The following RBFOX1 variants were observed in gnomAD, a reference collection of about 807,000 sequenced individuals.
RBFOX1 encodes the protein RNA binding fox-1 homolog 1, also known as RNA binding protein fox-1 homolog 1.
Under a neutral mutation model 57.7 loss-of-function variants are expected in RBFOX1, and 8 were observed. The observed-to-expected ratio is 0.14, with a 90% CI of 0.08 to 0.25. The LOEUF is 0.25. Ranked by LOEUF, RBFOX1 falls within the 10% of genes least tolerant of loss-of-function variation. The pLI, the probability that RBFOX1 is intolerant of heterozygous loss-of-function variation, is 1.00. For missense variants in RBFOX1, 611 were observed against 548.5 expected (o/e 1.11, Z -1.14); for synonymous variants, 326 against 222.4 (o/e 1.47, Z -4.15).
At chr16:5,553,970 CTT>C (rs36068724) in intron 2 of RBFOX1, among the ~76,000 whole-genome samples, 1,409 of 133,446 alleles carry the variant, frequency 0.011, 25 homozygotes, top group African/African-American at 0.032. Flanking sequence ...AACACGTATT[CTT>C]TTTTTTTTTT....
chr16:7,524,798 G>C (rs1477156733), intron 5 of RBFOX1, among the ~76,000 whole-genome samples: 1 of 152,198 alleles, frequency 6.6e-6, no homozygotes, highest in African/African-American at 2.4e-5. Flanking sequence ...GTATTGGTTG[G>C]TGATGGTGTC....
chr16:7,063,959 C>G (rs565329405), intron 4 of RBFOX1, among the ~76,000 whole-genome samples: 2 of 152,168 alleles, frequency 1.3e-5, no homozygotes, highest in Admixed American at 1.3e-4. Context: ...GTCTTGACAC[C>G]AAGGTCCATG....
intron 10 of RBFOX1, among the ~76,000 whole-genome samples, chr16:7,608,104 C>G (rs2056705409): frequency 6.6e-6 from 1 of 152,198 alleles, no homozygotes; most frequent in African/African-American, 2.4e-5. Flanking sequence ...GTAGGTTTGC[C>G]ACATGGCTAT....
chr16:6,928,389 C>T (rs2075983992), intron 3 of RBFOX1, among the ~76,000 whole-genome samples: 1 of 151,984 alleles, frequency 6.6e-6, no homozygotes, highest in Non-Finnish European at 1.5e-5. Flanking sequence ...AACAAAGGGC[C>T]CTGTGGGAGC....
chr16:6,207,480 C>G (rs995196050), intron 1 of RBFOX1, among the ~76,000 whole-genome samples: 5 of 151,858 alleles, frequency 3.3e-5, no homozygotes, highest in Non-Finnish European at 7.4e-5. Flanking sequence ...TTGTTTTTTC[C>G]CTCTTACATT....
intron 4 of RBFOX1, among the ~76,000 whole-genome samples, chr16:7,136,735 C>T (rs76116525): frequency 0.025 from 3,768 of 152,184 alleles, 154 homozygotes; most frequent in African/African-American, 0.085. Flanking sequence ...GGAAAATTAT[C>T]GGATAGTGCT....
rs190026124 is a variant in RBFOX1 at position 7,655,513 on chromosome 16, G to A, written c.890+1566G>A. Among the ~76,000 whole-genome samples the A allele has an allele frequency of 1.2e-3, 189 of 152,286 alleles. 1 individual carries two copies. The South Asian group carries it at 0.015, about 12-fold the overall frequency. On this transcript the variant is annotated intron_variant, in intron 12 of 15. Coordinates refer to ENST00000550418, the MANE Select transcript of RBFOX1 (RefSeq NM_018723.4). ...TGACCATGCAATATAAGGAGTTGTC[G>A]ATAGTATAATTTTTATCTCTGGTAT...
At chr16:7,103,132 C>T (rs921474356) in intron 4 of RBFOX1, among the ~76,000 whole-genome samples, 2 of 151,526 alleles carry the variant, frequency 1.3e-5, no homozygotes, top group African/African-American at 4.8e-5. Flanking sequence ...AGCTGTCGGA[C>T]CAAAGTATTA....
At chr16:7,319,643 G>C (rs2096508625) in intron 4 of RBFOX1, among the ~76,000 whole-genome samples, 2 of 152,162 alleles carry the variant, frequency 1.3e-5, no homozygotes, top group Non-Finnish European at 1.5e-5. Flanking sequence ...GCGAGATTTA[G>C]AATGTGGGCA....
At chr16:6,382,595 C>T (rs768108157) in intron 2 of RBFOX1, among the ~76,000 whole-genome samples, 9 of 152,316 alleles carry the variant, frequency 5.9e-5, no homozygotes, top group Non-Finnish European at 1.2e-4. Context: ...TGCAGTGGCT[C>T]ATGCCTGTAA....
chr16:7,155,712 A>AAATATATATAT (rs1195367029), intron 4 of RBFOX1, among the ~76,000 whole-genome samples: 9 of 77,392 alleles, frequency 1.2e-4, no homozygotes, highest in African/African-American at 6.0e-4. Flanking sequence ...AAAAAAAAAA[A>AAATATATATAT]ATATATATAT....
At chr16:6,553,991 G>T (rs952336312) in intron 2 of RBFOX1, among the ~76,000 whole-genome samples, 1 of 152,148 alleles carries the variant, frequency 6.6e-6, no homozygotes, top group African/African-American at 2.4e-5. Flanking sequence ...AAACCCCAGG[G>T]TCTGGCAGAC....
At chr16:7,060,468 A>T (rs938749479) in intron 4 of RBFOX1, among the ~76,000 whole-genome samples, 1 of 152,246 alleles carries the variant, frequency 6.6e-6, no homozygotes, top group African/African-American at 2.4e-5. Flanking sequence ...AGTTATTTCT[A>T]TATCACTTTA....
intron 5 of RBFOX1, among the ~76,000 whole-genome samples, chr16:7,574,003 C>G (rs2093058631): frequency 1.3e-5 from 2 of 152,160 alleles, no homozygotes; most frequent in South Asian, 4.2e-4. Context: ...CTAGCTTTTT[C>G]ACATTTTCTT....
chr16:7,209,172 T>G (rs1252739467), intron 4 of RBFOX1, among the ~76,000 whole-genome samples: 1 of 146,914 alleles, frequency 6.8e-6, no homozygotes, highest in African/African-American at 2.5e-5. Context: ...ATAATAATAA[T>G]AATAATAATA....
chr16:6,924,644 C>T (rs115465562), intron 3 of RBFOX1, among the ~76,000 whole-genome samples: 131 of 151,958 alleles, frequency 8.6e-4, no homozygotes, highest in African/African-American at 2.6e-3. Context: ...CTTGTCCTTA[C>T]TGTGATAAAA....
At chr16:6,733,731 C>G (rs1445167854) in intron 3 of RBFOX1, among the ~76,000 whole-genome samples, 9 of 151,880 alleles carry the variant, frequency 5.9e-5, no homozygotes. Context: ...GCACTCCAGC[C>G]CGGGCGAAAG....
chr16:7,595,847 G>T (rs1243621629), intron 8 of RBFOX1, among the ~76,000 whole-genome samples: 1 of 148,944 alleles, frequency 6.7e-6, no homozygotes, highest in East Asian at 2.0e-4. Context: ...CTCTTATACC[G>T]CTGAAAGGTG....
chr16:5,526,031 G>T (rs996772549), intron 2 of RBFOX1, among the ~76,000 whole-genome samples: 1 of 152,052 alleles, frequency 6.6e-6, no homozygotes. Context: ...GGGGGCGGAC[G>T]GGCAGTCACA....
Sources: gnomAD v4.1 joint callset for allele counts (sites outside exome capture counted in the v4.1 genomes callset) on GRCh38, gnomAD v4.1.1 for gene constraint, MANE v1.5 for transcripts, NCBI Gene and HGNC (gene_info 2026-07-23, HGNC 2026-07-21) for gene names.